The following KCNMA1 variants were observed in gnomAD, a reference collection of about 807,000 sequenced individuals.
KCNMA1 encodes Calcium-activated potassium channel subunit alpha-1.
In KCNMA1, 29 loss-of-function variants were observed where a neutral mutation model predicts 140.0. The observed-to-expected ratio is 0.21, with a 90% CI of 0.15 to 0.28. The LOEUF (loss-of-function observed/expected upper bound fraction) is 0.28. KCNMA1 is among the 10% of genes least tolerant of loss of function. KCNMA1 has a pLI of 1.00. For missense variants in KCNMA1, 880 were observed against 1,602.2 expected (o/e 0.55, Z 7.70); for synonymous variants, 612 against 611.9 (o/e 1.00, Z 0.00).
intron 19 of KCNMA1, among the ~76,000 whole-genome samples, chr10:76,996,392 G>A (rs1367091260): frequency 6.6e-6 from 1 of 152,166 alleles, no homozygotes; most frequent in Non-Finnish European, 1.5e-5. Flanking sequence ...ACCAATAAGA[G>A]TGTCTTAAGA....
chr10:76,972,817 T>C (rs2076437808), intron 19 of KCNMA1, among the ~76,000 whole-genome samples: 1 of 152,194 alleles, frequency 6.6e-6, no homozygotes, highest in South Asian at 2.1e-4. Context: ...GACCATTACA[T>C]ATGGCTTAGG....
chr10:77,103,679 T>C (rs1485626963), intron 9 of KCNMA1, among the ~76,000 whole-genome samples: 1 of 152,218 alleles, frequency 6.6e-6, no homozygotes, highest in Non-Finnish European at 1.5e-5. Context: ...CATCTGTCTG[T>C]CCTTGAGAGC....
At position 77,323,404 on chromosome 10, in the gene KCNMA1, G is replaced by A. The variant is rs1305866925; in HGVS notation, c.541-72148C>T. On this transcript the variant is annotated intron_variant, in intron 2 of 27. Coordinates refer to ENST00000286628, the MANE Select transcript of KCNMA1 (RefSeq NM_001161352.2). The stretch of plus-strand genomic sequence containing the variant: ...TGGAAGAGTGAGTTTGAAGTGGGGG[G>A]CAAATTCTAAAGAGTAAAGCCTTTA... 7.2e-5 allele frequency among the ~76,000 whole-genome samples: 11 copies of A among 152,312 alleles called. No homozygotes were observed. In the East Asian group the frequency reaches 1.9e-3, roughly 27 times the overall value.
chr10:77,149,415 A>AT (rs997395147), intron 5 of KCNMA1, among the ~76,000 whole-genome samples: 1 of 152,026 alleles, frequency 6.6e-6, no homozygotes, highest in Admixed American at 6.6e-5. Flanking sequence ...TTATTTCAAC[A>AT]TTTTTTTCCT....
At chr10:77,613,047 T>C (rs556534833) in intron 1 of KCNMA1, among the ~76,000 whole-genome samples, 1 of 152,294 alleles carries the variant, frequency 6.6e-6, no homozygotes, top group African/African-American at 2.4e-5. Context: ...TGTCTGAGCT[T>C]GTCTTCTACC....
At chr10:77,493,638 A>C (rs1265690003) in intron 1 of KCNMA1, among the ~76,000 whole-genome samples, 1 of 152,260 alleles carries the variant, frequency 6.6e-6, no homozygotes, top group Non-Finnish European at 1.5e-5. Flanking sequence ...TCAATCAATC[A>C]ACGGAGGTGC....
At chr10:77,387,349 G>C (rs928039166) in intron 2 of KCNMA1, among the ~76,000 whole-genome samples, 4 of 152,040 alleles carry the variant, frequency 2.6e-5, no homozygotes, top group Admixed American at 1.3e-4. Flanking sequence ...TACTAGACAG[G>C]GTCAGGAGAC....
intron 1 of KCNMA1, among the ~76,000 whole-genome samples, chr10:77,440,989 T>C (rs777737414): frequency 8.9e-5 from 13 of 145,344 alleles, no homozygotes; most frequent in African/African-American, 2.3e-4. Flanking sequence ...TGGCTAATTT[T>C]TTCTGTTTTT....
intron 1 of KCNMA1, among the ~76,000 whole-genome samples, chr10:77,551,542 T>A (rs1433076138): frequency 6.6e-6 from 1 of 152,206 alleles, no homozygotes; most frequent in African/African-American, 2.4e-5. Flanking sequence ...CCACCTCCAA[T>A]CTGAGGCACT....
intron 2 of KCNMA1, among the ~76,000 whole-genome samples, chr10:77,336,939 G>A (rs182210582): frequency 1.9e-4 from 29 of 152,326 alleles, no homozygotes; most frequent in Middle Eastern, 3.4e-3. Flanking sequence ...TTGTGCTCCC[G>A]CTGTGGGTAG....
intron 18 of KCNMA1, among the ~76,000 whole-genome samples, chr10:77,011,114 AACTC>A (rs1385057296): frequency 6.6e-6 from 1 of 152,150 alleles, no homozygotes; most frequent in Admixed American, 6.6e-5. Flanking sequence ...TTAAAAGACT[AACTC>A]ACCATAGGAA....
At chr10:77,400,257 C>T (rs879774133) in intron 2 of KCNMA1, among the ~76,000 whole-genome samples, 2 of 152,220 alleles carry the variant, frequency 1.3e-5, no homozygotes, top group African/African-American at 2.4e-5. Flanking sequence ...CAGGATACCG[C>T]CTGGAGCTCT....
intron 7 of KCNMA1, among the ~76,000 whole-genome samples, chr10:77,111,252 G>C (rs1339310903): frequency 6.6e-6 from 1 of 152,200 alleles, no homozygotes; most frequent in Non-Finnish European, 1.5e-5. Flanking sequence ...AAATATGCCT[G>C]TGATCCACCC....
At chr10:76,909,621 T>C (rs1015578792) in intron 25 of KCNMA1, among the ~76,000 whole-genome samples, 3 of 152,150 alleles carry the variant, frequency 2.0e-5, no homozygotes, top group Non-Finnish European at 4.4e-5. Flanking sequence ...TCTTTCTTCT[T>C]CAGAGAATGC....
At chr10:77,271,908 C>A (rs938844966) in intron 2 of KCNMA1, among the ~76,000 whole-genome samples, 8 of 152,222 alleles carry the variant, frequency 5.3e-5, no homozygotes, top group Non-Finnish European at 1.0e-4. Flanking sequence ...CAAACCATAT[C>A]TTCCTGACCC....
intron 23 of KCNMA1, among the ~76,000 whole-genome samples, chr10:76,941,149 G>T: frequency 1.2e-5 from 1 of 80,254 alleles, no homozygotes; most frequent in Non-Finnish European, 2.9e-5. Context: ...GGAAGGGAAG[G>T]GAAGGGAGGG....
At chr10:77,328,321 C>T (rs1293834277) in intron 2 of KCNMA1, among the ~76,000 whole-genome samples, 2 of 152,208 alleles carry the variant, frequency 1.3e-5, no homozygotes, top group Non-Finnish European at 2.9e-5. Context: ...ACACTAAAAT[C>T]TCAGGCAGGC....
At chr10:77,057,870 C>A (rs1054763441) in intron 14 of KCNMA1, among the ~76,000 whole-genome samples, 13 of 151,630 alleles carry the variant, frequency 8.6e-5, no homozygotes, top group African/African-American at 2.9e-4. Flanking sequence ...AAACAGGAAA[C>A]AAACAGAAAG....
intron 1 of KCNMA1, among the ~76,000 whole-genome samples, chr10:77,462,199 TACAC>T (rs1315894115): frequency 2.0e-5 from 3 of 151,450 alleles, no homozygotes; most frequent in African/African-American, 7.3e-5. Flanking sequence ...CTAACATAAA[TACAC>T]ACAGCACATA....
Sources: gnomAD v4.1 joint callset for allele counts (sites outside exome capture counted in the v4.1 genomes callset) on GRCh38, gnomAD v4.1.1 for gene constraint, MANE v1.5 for transcripts, NCBI Gene and HGNC (gene_info 2026-07-23, HGNC 2026-07-21) for gene names.